The following PRKCA variants were observed in gnomAD, a reference collection of about 807,000 sequenced individuals.
The protein encoded by PRKCA is protein kinase C alpha.
PRKCA carries 27 observed loss-of-function variants against 87.0 expected under a neutral mutation model. The ratio of observed to expected loss-of-function variants is 0.31; its 90% CI spans 0.23 to 0.43. The LOEUF (loss-of-function observed/expected upper bound fraction) is 0.43. Ranked by LOEUF, PRKCA falls within the 20% of genes least tolerant of loss-of-function variation. The pLI is 1.00. For synonymous variants in PRKCA, 329 were observed against 311.1 expected, an observed-to-expected ratio of 1.06 and a Z score of -0.61; for missense variants, 518 against 852.3, an observed-to-expected ratio of 0.61 and a Z score of 4.88.
chr17:66,439,804 A>T (rs1431508379), intron 2 of PRKCA, among the ~76,000 whole-genome samples: 1 of 152,190 alleles, frequency 6.6e-6, no homozygotes, highest in African/African-American at 2.4e-5. Context: ...TTGCCAAGAA[A>T]ACCTTTTGTG....
At chr17:66,386,884 G>A (rs991774347) in intron 2 of PRKCA, among the ~76,000 whole-genome samples, 17 of 151,134 alleles carry the variant, frequency 1.1e-4, no homozygotes, top group African/African-American at 3.7e-4. Flanking sequence ...GCCTTACTAC[G>A]TCATGACACA....
intron 2 of PRKCA, among the ~76,000 whole-genome samples, chr17:66,343,785 C>G (rs1281784824): frequency 6.6e-6 from 1 of 152,082 alleles, no homozygotes; most frequent in Non-Finnish European, 1.5e-5. Flanking sequence ...GGATGGCAAT[C>G]CATTTGCTGA....
chr17:66,781,887 AGT>A (rs749824745), intron 14 of PRKCA, among the ~76,000 whole-genome samples: 13,786 of 124,618 alleles, frequency 0.11, 1,123 homozygotes, highest in African/African-American at 0.26. Context: ...ATATATATAT[AGT>A]GTGTGTGTGT....
chr17:66,459,961 G>A (rs963103620), intron 2 of PRKCA, among the ~76,000 whole-genome samples: 6 of 152,284 alleles, frequency 3.9e-5, no homozygotes, highest in Non-Finnish European at 8.8e-5. Context: ...CCGCAGTCTC[G>A]AAGGATGAAT....
intron 13 of PRKCA, among the ~76,000 whole-genome samples, chr17:66,749,450 C>G (rs1974381707): frequency 6.6e-6 from 1 of 152,198 alleles, no homozygotes; most frequent in South Asian, 2.1e-4. Flanking sequence ...GGGGAGGCCC[C>G]CTGCCCTGGT....
intron 3 of PRKCA, among the ~76,000 whole-genome samples, chr17:66,546,742 G>T (rs768535784): frequency 1.3e-5 from 2 of 152,106 alleles, no homozygotes; most frequent in African/African-American, 2.4e-5. Flanking sequence ...TGGAGTAAAG[G>T]CTTCGAGATA....
intron 3 of PRKCA, among the ~76,000 whole-genome samples, chr17:66,562,988 T>C (rs1968763676): frequency 6.6e-6 from 1 of 152,232 alleles, no homozygotes; most frequent in Non-Finnish European, 1.5e-5. Flanking sequence ...TATATACCTA[T>C]AACTGTAGCA....
intron 2 of PRKCA, among the ~76,000 whole-genome samples, chr17:66,333,321 G>T (rs1906464608): frequency 6.6e-6 from 1 of 152,140 alleles, no homozygotes; most frequent in South Asian, 2.1e-4. Flanking sequence ...CCTCTAAATG[G>T]TGCAAATTTT....
rs145771301 is a variant in PRKCA, at chr17:66,522,420, G to A, written c.288+26137G>A. Among the ~76,000 whole-genome samples, 801 of 152,260 alleles carry A rather than the reference G, an allele frequency of 5.3e-3. 7 individuals carry two copies. Among genetic ancestry groups the A allele is most frequent in the Non-Finnish European group, 7.2e-3 (488 of 68,012 alleles). ...GGAGCTCTTGTCAGTTGGCAGGACC[G>A]AAAGGAGAGAATAGGCAGGGGGAAG... On this transcript the variant is annotated intron_variant, in intron 3 of 16. Coordinates refer to ENST00000413366, the MANE Select transcript of PRKCA (RefSeq NM_002737.3).
At chr17:66,735,088 C>G (rs916812568) in intron 9 of PRKCA, among the ~76,000 whole-genome samples, 1 of 152,160 alleles carries the variant, frequency 6.6e-6, no homozygotes, top group Non-Finnish European at 1.5e-5. Context: ...ATTTCATAGA[C>G]GCAGGAACTG....
At chr17:66,476,090 GAGTTTTGCTA>G (rs1343894690) in intron 2 of PRKCA, among the ~76,000 whole-genome samples, 3 of 152,092 alleles carry the variant, frequency 2.0e-5, no homozygotes, top group Admixed American at 2.0e-4. Flanking sequence ...AGTAGAGGCA[GAGTTTTGCTA>G]TGTTGGCTAG....
At chr17:66,690,937 A>G (rs1325419806) in intron 8 of PRKCA, among the ~76,000 whole-genome samples, 1 of 152,002 alleles carries the variant, frequency 6.6e-6, no homozygotes, top group Non-Finnish European at 1.5e-5. Flanking sequence ...TAAGCTCACA[A>G]GTTTGAAATC....
intron 3 of PRKCA, among the ~76,000 whole-genome samples, chr17:66,548,705 C>T (rs548239661): frequency 2.0e-5 from 3 of 152,098 alleles, no homozygotes; most frequent in South Asian, 2.1e-4. Flanking sequence ...CATGGACTTT[C>T]GAAAAGGTGA....
chr17:66,555,375 C>A (rs115703207), intron 3 of PRKCA, among the ~76,000 whole-genome samples: 3,639 of 152,276 alleles, frequency 0.024, 130 homozygotes, highest in Admixed American at 0.063. Flanking sequence ...ACCTGCAGAT[C>A]CTTCACCACC....
rs751088529 is a variant in PRKCA at position 66,769,314 on chromosome 17, C to T, written c.1525-4673C>T. On this transcript the variant is annotated intron_variant, in intron 13 of 16. Coordinates refer to ENST00000413366, the MANE Select transcript of PRKCA (RefSeq NM_002737.3). ...GAGGCTGCATTGAGCTATGATTATG[C>T]CACTGCCTTCCAGCCTGGGCAGCAG... Among the ~76,000 whole-genome samples the T allele has an allele frequency of 2.6e-5, 4 of 151,496 alleles. No homozygotes were observed. In the South Asian group the frequency reaches 6.2e-4, roughly 24 times the overall value.
intron 2 of PRKCA, among the ~76,000 whole-genome samples, chr17:66,464,649 T>G (rs1316224307): frequency 6.6e-6 from 1 of 152,248 alleles, no homozygotes; most frequent in Non-Finnish European, 1.5e-5. Flanking sequence ...CACATGCATA[T>G]TTGCCATCTG....
At chr17:66,497,910 G>A (rs534809354) in intron 3 of PRKCA, among the ~76,000 whole-genome samples, 1 of 152,324 alleles carries the variant, frequency 6.6e-6, no homozygotes, top group South Asian at 2.1e-4. Context: ...AATGGGGTTA[G>A]GGTGCTTGTG....
chr17:66,395,802 A>G (rs1910630595), intron 2 of PRKCA, among the ~76,000 whole-genome samples: 3 of 152,194 alleles, frequency 2.0e-5, no homozygotes, highest in Admixed American at 2.0e-4. Context: ...ACATTATAGG[A>G]GGAGACGGTG....
intron 2 of PRKCA, among the ~76,000 whole-genome samples, chr17:66,460,712 G>T (rs1038653380): frequency 3.9e-5 from 6 of 152,200 alleles, no homozygotes; most frequent in Admixed American, 3.3e-4. Flanking sequence ...GCAGCTTAGT[G>T]TCTCCTTTGC....
Sources: allele counts gnomAD v4.1 joint callset (sites outside exome capture counted in the v4.1 genomes callset), GRCh38; gene constraint gnomAD v4.1.1; transcripts MANE v1.5; gene names NCBI Gene and HGNC (gene_info 2026-07-23, HGNC 2026-07-21).